Variants in AMZ1 observed in about 807,000 individuals in gnomAD.
AMZ1 encodes the protein archaemetzincin-1.
In AMZ1, 39 loss-of-function variants were observed where a neutral mutation model predicts 29.9. The observed-to-expected ratio is 1.30, with a 90% CI of 1.01 to 1.70. The LOEUF is 1.70. Ranked by LOEUF, AMZ1 falls within the 40% of genes most tolerant of loss-of-function variation. The pLI is 0.00. For missense variants in AMZ1, 1,041 were observed against 680.6 expected (o/e 1.53, Z -5.89); for synonymous variants, 458 against 304.0 (o/e 1.51, Z -5.27).
At chr7:2,756,060 G>A (rs1791277894) in intron 4 of AMZ1, among the ~76,000 whole-genome samples, 1 of 152,136 alleles carries the variant, frequency 6.6e-6, no homozygotes, top group South Asian at 2.1e-4. Flanking sequence ...CTTTCAACTT[G>A]CTAGAAAGTG....
chr7:2,700,590 G>T lies in AMZ1; in HGVS notation c.139G>T (p.Ala47Ser), dbSNP rs769476244. The T allele has an allele frequency of 5.0e-6, 8 of 1,610,420 alleles. No individual in the cohort carries two copies. The East Asian group carries it at 1.8e-4, about 36-fold the overall frequency. ...TGCCGAGCGGCTCTTCCTGGCCGAG[G>T]CCTACAACCCGCAGAGGACGCTCTT... ...SPAERLFLAE[A>S]YNPQRTLFCT... The change falls in exon 2 of 7, where the codon GCC (alanine) becomes TCC (serine). Residue 47 changes from alanine to serine, a missense_variant. Transcript: ENST00000683327.
Position 2,714,007 on chromosome 7 carries a change from T to G in AMZ1, c.*1129T>G, listed in dbSNP as rs1788970644. ...TCTGTCTCCCTTTAGTTTTGCCGGA[T>G]TTTGCTTCCTGCACTTTGAAGCTCC... On this transcript the variant is annotated 3_prime_UTR_variant, in exon 7 of 7. Coordinates refer to ENST00000683327, the MANE Select transcript of AMZ1 (RefSeq NM_001384743.1). 1 of 152,238 alleles carries G rather than the reference T, an allele frequency of 6.6e-6. No homozygotes were observed. Among genetic ancestry groups the G allele is most frequent in the South Asian group, 2.1e-4 (1 of 4,826 alleles). 9.4% of individuals were successfully genotyped at this position (152,238 alleles called of 1,614,324 possible).
downstream of AMZ1, among the ~76,000 whole-genome samples, chr7:2,721,805 C>G (rs548205982): frequency 6.6e-6 from 1 of 151,536 alleles, no homozygotes; most frequent in Admixed American, 6.6e-5. Flanking sequence ...GGACATAACA[C>G]GCCAGGAAAA....
At chr7:2,696,013 G>GAAAA (rs35492098) in intron 1 of AMZ1, among the ~76,000 whole-genome samples, 2 of 107,148 alleles carry the variant, frequency 1.9e-5, no homozygotes, top group Non-Finnish European at 2.1e-5. Flanking sequence ...TCTTGGGGGG[G>GAAAA]AAAAAAAAAA....
Position 2,694,691 on chromosome 7 carries a change from G to T in AMZ1, c.-218-5543G>T, listed in dbSNP as rs547894367. ...TATATATTTTATTTATTTTTTTTTT[G>T]AGATGGAGTCTCGCTCTGTCACTCA... On this transcript the variant is annotated intron_variant, in intron 1 of 6. Transcript: ENST00000683327. Among the ~76,000 whole-genome samples the T allele has an allele frequency of 4.3e-3, 629 of 145,128 alleles. 5 individuals carry two copies. Among genetic ancestry groups the T allele is most frequent in the Non-Finnish European group, 6.3e-3 (417 of 66,372 alleles).
intron 3 of AMZ1, among the ~76,000 whole-genome samples, chr7:2,708,335 T>G (rs375830950): frequency 7.2e-5 from 11 of 152,274 alleles, no homozygotes; most frequent in Admixed American, 2.6e-4. Context: ...CCCGGCTGCC[T>G]CTCCAGCGTC....
intron 4 of AMZ1, 60 bp downstream of exon 4, chr7:2,708,776 C>G: frequency 6.2e-7 from 1 of 1,606,794 alleles, no homozygotes; most frequent in Non-Finnish European, 8.5e-7. Flanking sequence ...CTGTGGCCTC[C>G]GTGGCTGCAG....
chr7:2,721,740 G>A (rs962382758), downstream of AMZ1, among the ~76,000 whole-genome samples: 4 of 151,450 alleles, frequency 2.6e-5, no homozygotes, highest in Non-Finnish European at 5.9e-5. Context: ...AGATAGCGGC[G>A]GGTGGGTGCC....
intron 4 of AMZ1, among the ~76,000 whole-genome samples, chr7:2,740,711 A>C (rs146029050): frequency 2.1e-4 from 32 of 152,284 alleles, no homozygotes; most frequent in Middle Eastern, 3.4e-3. Flanking sequence ...CAGTTTCATA[A>C]GATGTTTAAT....
chr7:2,762,800 C>G (rs754092811), upstream of AMZ1: 1 of 1,535,134 alleles, frequency 6.5e-7, no homozygotes, highest in Non-Finnish European at 8.8e-7. Context: ...AGGAGGAGCA[C>G]TCAGGGCGGC....
At chr7:2,764,916 C>T (rs904563059) in exon 1 of AMZ1, 2 of 152,234 alleles carry the variant, frequency 1.3e-5, no homozygotes, top group Admixed American at 6.5e-5. Flanking sequence ...TGCTTCTGTT[C>T]AGGTGAATGC....
At chr7:2,680,341 G>A (rs1368340778) in intron 1 of AMZ1, among the ~76,000 whole-genome samples, 1 of 152,090 alleles carries the variant, frequency 6.6e-6, no homozygotes, top group Non-Finnish European at 1.5e-5. Flanking sequence ...CAGGCTCCCC[G>A]AGCCCTGCCA....
In AMZ1 at chr7:2,712,407, C is replaced by T. The variant is rs746596200; in HGVS notation, c.1026C>T (p.Asp342=). 2 of 1,611,184 alleles carry T rather than the reference C, an allele frequency of 1.2e-6. No homozygotes were observed. Among genetic ancestry groups the T allele is most frequent in the East Asian group, 2.2e-5 (1 of 44,856 alleles). ...QEAGEPSVWE[D]TPPASADSGM... is the part of the protein sequence containing the mutation. The stretch of plus-strand genomic sequence containing the variant: ...CGGGGGAGCCGTCAGTGTGGGAGGA[C>T]ACCCCGCCTGCCAGCGCCGACTCGG... The change falls in exon 7 of 7, where the codon GAC becomes GAT. Residue 342 remains aspartate (D), a synonymous_variant. Transcript: ENST00000683327.
chr7:2,688,501 G>A (rs1490052294), intron 1 of AMZ1, among the ~76,000 whole-genome samples: 2 of 152,116 alleles, frequency 1.3e-5, no homozygotes, highest in African/African-American at 4.8e-5. Flanking sequence ...GCGCCGCGCC[G>A]GGGTCCGCAC....
chr7:2,702,857 G>GC lies in AMZ1; in HGVS notation c.442dup (p.Arg148ProfsTer4), dbSNP rs755092398. The GC allele has an allele frequency of 1.9e-6, 3 of 1,586,960 alleles. No individual in the cohort carries two copies. In the South Asian group the frequency reaches 3.4e-5, roughly 18 times the overall value. ...TCCATCCGCTGCTCCTCGCGGCCCA[G>GC]CCGGGACTCTGACAGGCTCCAGCTC... On this transcript the variant is annotated frameshift_variant, in exon 3 of 7. Transcript: ENST00000683327. LOFTEE classifies it high-confidence loss of function.
At chr7:2,691,171 C>T (rs1787366359) in intron 1 of AMZ1, among the ~76,000 whole-genome samples, 1 of 139,878 alleles carries the variant, frequency 7.1e-6, no homozygotes. Flanking sequence ...TTTCCTGATG[C>T]TTTGCCTGGA....
intron 3 of AMZ1, among the ~76,000 whole-genome samples, chr7:2,705,549 T>C (rs950956810): frequency 2.0e-5 from 3 of 152,110 alleles, no homozygotes; most frequent in Non-Finnish European, 4.4e-5. Context: ...CTCCCCATCG[T>C]GGGTGTTGGA....
downstream of AMZ1, among the ~76,000 whole-genome samples, chr7:2,721,938 T>C (rs1226801600): frequency 6.6e-6 from 1 of 152,236 alleles, no homozygotes; most frequent in African/African-American, 2.4e-5. Context: ...CCTCGTACAC[T>C]GTATTCGTAA....
chr7:2,736,290 G>T (rs144443232), intron 4 of AMZ1, among the ~76,000 whole-genome samples: 1 of 152,158 alleles, frequency 6.6e-6, no homozygotes, highest in Non-Finnish European at 1.5e-5. Flanking sequence ...CTAGAAACAC[G>T]AGTGGATCCA....
Sources: allele counts gnomAD v4.1 joint callset (sites outside exome capture counted in the v4.1 genomes callset), GRCh38; gene constraint gnomAD v4.1.1; transcripts MANE v1.5; gene names NCBI Gene and HGNC (gene_info 2026-07-23, HGNC 2026-07-21).